The following OR10J1 variants were observed in gnomAD, a reference collection of about 807,000 sequenced individuals.
The protein encoded by OR10J1 is olfactory receptor family 10 subfamily J member 1.
For synonymous variants in OR10J1, 202 were observed against 143.8 expected, an observed-to-expected ratio of 1.40 and a Z score of -2.89; for missense variants, 474 against 376.6, an observed-to-expected ratio of 1.26 and a Z score of -2.14.
the OR10J1 span, among the ~76,000 whole-genome samples, chr1:159,398,172 C>G: frequency 0.051 from 7,794 of 152,272 alleles, 649 homozygotes; most frequent in African/African-American, 0.18. Context: ...CAACAGTCTG[C>G]AAGAACGGCA....
Position 159,440,357 on chromosome 1 carries a change from T to C in OR10J1, c.566T>C (p.Ile189Thr), listed in dbSNP as rs1221445716. 3 of 1,614,206 alleles carry C rather than the reference T, an allele frequency of 1.9e-6. No homozygotes were observed. Among genetic ancestry groups the C allele is most frequent in the African/African-American group, 1.3e-5 (1 of 75,054 alleles). The change falls in exon 1 of 1, where the codon ATT (isoleucine) becomes ACT (threonine). Residue 189 changes from isoleucine to threonine, a missense_variant. By Grantham distance (89) the Ile-to-Thr change is moderately conservative. Transcript: ENST00000423932. The part of the protein sequence containing the change: ...DIRPVMKLSC[I>T]DTTVNEILTL... Reference sequence around the variant, plus strand: ...CGCCCTGTGATGAAGCTCTCCTGCATTGACACCACTGTCAATGAAATCCTG... The same window carrying C: ...CGCCCTGTGATGAAGCTCTCCTGCACTGACACCACTGTCAATGAAATCCTG...
the OR10J1 span, among the ~76,000 whole-genome samples, chr1:159,420,474 C>T: frequency 1.3e-5 from 2 of 152,050 alleles, no homozygotes; most frequent in Admixed American, 1.3e-4. Flanking sequence ...ATTTTCTCTT[C>T]CTTATTTGTT....
the OR10J1 span, among the ~76,000 whole-genome samples, chr1:159,422,625 T>G: frequency 1.3e-5 from 2 of 152,124 alleles, no homozygotes; most frequent in Non-Finnish European, 2.9e-5. Context: ...GGACAGAGAC[T>G]GGTGGAGGCT....
chr1:159,425,713 G>A, the OR10J1 span, among the ~76,000 whole-genome samples: 1 of 152,014 alleles, frequency 6.6e-6, no homozygotes, highest in Non-Finnish European at 1.5e-5. Context: ...TTACTGAAAG[G>A]ATGACAGGAG....
chr1:159,409,190 C>T, the OR10J1 span, among the ~76,000 whole-genome samples: 1 of 152,050 alleles, frequency 6.6e-6, no homozygotes, highest in African/African-American at 2.4e-5. Context: ...ATAACTTGCA[C>T]ACTGGAGATC....
At chr1:159,429,698 G>A in the OR10J1 span, among the ~76,000 whole-genome samples, 2 of 152,148 alleles carry the variant, frequency 1.3e-5, no homozygotes, top group African/African-American at 4.8e-5. Flanking sequence ...GAGTCCTAGG[G>A]CACAGGAGAA....
chr1:159,427,434 G>C, the OR10J1 span, among the ~76,000 whole-genome samples: 5 of 151,686 alleles, frequency 3.3e-5, no homozygotes, highest in Admixed American at 2.6e-4. Flanking sequence ...AAATCAAAGA[G>C]ACACAAGAAA....
At chr1:159,418,175 G>A in the OR10J1 span, among the ~76,000 whole-genome samples, 1 of 152,222 alleles carries the variant, frequency 6.6e-6, no homozygotes, top group Non-Finnish European at 1.5e-5. Context: ...CATTTTCTGA[G>A]GAGAAATTCA....
the OR10J1 span, among the ~76,000 whole-genome samples, chr1:159,426,691 A>T: frequency 1.3e-5 from 2 of 151,882 alleles, no homozygotes; most frequent in African/African-American, 4.8e-5. Flanking sequence ...AAACCTTCAT[A>T]AAGAGAATGT....
At chr1:159,417,155 T>C in the OR10J1 span, among the ~76,000 whole-genome samples, 2 of 152,206 alleles carry the variant, frequency 1.3e-5, no homozygotes, top group African/African-American at 2.4e-5. Flanking sequence ...AGTAAATCAT[T>C]AGATTGTTTA....
At chr1:159,430,128 AT>A in the OR10J1 span, among the ~76,000 whole-genome samples, 1 of 152,088 alleles carries the variant, frequency 6.6e-6, no homozygotes, top group Non-Finnish European at 1.5e-5. Flanking sequence ...AGTGGAAAAA[AT>A]GAATATACAG....
chr1:159,439,089 T>C (rs966415370), upstream of OR10J1, among the ~76,000 whole-genome samples: 3 of 152,350 alleles, frequency 2.0e-5, no homozygotes, highest in Admixed American at 2.0e-4. Context: ...GTCAGCAGAC[T>C]TCCATCACTC....
upstream of OR10J1, among the ~76,000 whole-genome samples, chr1:159,437,620 C>T (rs74395976): frequency 0.065 from 9,961 of 152,254 alleles, 706 homozygotes; most frequent in East Asian, 0.41. Context: ...TTTCCCCAGG[C>T]TCCCCAAGCG....
the OR10J1 span, among the ~76,000 whole-genome samples, chr1:159,408,005 C>T: frequency 6.6e-6 from 1 of 151,890 alleles, no homozygotes; most frequent in Non-Finnish European, 1.5e-5. Context: ...AAGAAGGGTT[C>T]CTAACTCAGT....
At chr1:159,416,510 A>G in the OR10J1 span, among the ~76,000 whole-genome samples, 1 of 147,888 alleles carries the variant, frequency 6.8e-6, no homozygotes, top group South Asian at 2.1e-4. Context: ...GAATTTTTGT[A>G]TCTGTGTTCA....
At chr1:159,411,738 A>G in the OR10J1 span, among the ~76,000 whole-genome samples, 2 of 152,080 alleles carry the variant, frequency 1.3e-5, no homozygotes, top group Non-Finnish European at 2.9e-5. Context: ...TGATCCTGTC[A>G]TTGTGATGTT....
chr1:159,432,695 A>G, the OR10J1 span: 1 of 408,618 alleles, frequency 2.4e-6, no homozygotes, highest in Non-Finnish European at 4.4e-6. Flanking sequence ...TGTCTTCTGT[A>G]TTCAGCCTTC....
At chr1:159,425,452 C>A in the OR10J1 span, among the ~76,000 whole-genome samples, 1 of 151,962 alleles carries the variant, frequency 6.6e-6, no homozygotes, top group Non-Finnish European at 1.5e-5. Flanking sequence ...ATAAATATGA[C>A]CTGGGGAGAT....
chr1:159,425,714 A>G, the OR10J1 span, among the ~76,000 whole-genome samples: 1 of 152,110 alleles, frequency 6.6e-6, no homozygotes, highest in Non-Finnish European at 1.5e-5. Context: ...TACTGAAAGG[A>G]TGACAGGAGA....
Sources: gnomAD v4.1 joint callset for allele counts (sites outside exome capture counted in the v4.1 genomes callset) on GRCh38, gnomAD v4.1.1 for gene constraint, MANE v1.5 for transcripts, NCBI Gene and HGNC (gene_info 2026-07-23, HGNC 2026-07-21) for gene names.